EYS: variants seen among roughly 807,000 people sequenced by gnomAD.
EYS encodes the protein protein eyes shut homolog.
In EYS, 250 loss-of-function variants were observed where a neutral mutation model predicts 282.1. That is an observed-to-expected ratio of 0.89 (90% confidence interval 0.80 to 0.98). The LOEUF is 0.98. Among genes scored for constraint, EYS ranks in the 50% least tolerant of loss-of-function variants. The probability of loss-of-function intolerance (pLI) is 0.00; values close to 1 mark genes in which losing one functional copy is unlikely to be tolerated. For synonymous variants in EYS, 1,355 were observed against 1,282.9 expected (o/e 1.06, Z -1.20); for missense variants, 4,016 against 3,709.0 (o/e 1.08, Z -2.15).
intron 31 of EYS, among the ~76,000 whole-genome samples, chr6:64,192,165 T>C (rs1765133873): frequency 1.4e-5 from 2 of 146,778 alleles, no homozygotes; most frequent in African/African-American, 5.0e-5. Flanking sequence ...CGCCCACTTT[T>C]TGATGGGGTT....
intron 28 of EYS, among the ~76,000 whole-genome samples, chr6:64,399,906 C>T (rs112481392): frequency 0.022 from 3,330 of 151,948 alleles, 139 homozygotes; most frequent in African/African-American, 0.075. Context: ...CTGTTAAAAT[C>T]ACAATTCATG....
At chr6:65,220,850 G>C (rs1766445707) in intron 12 of EYS, among the ~76,000 whole-genome samples, 1 of 152,134 alleles carries the variant, frequency 6.6e-6, no homozygotes, top group African/African-American at 2.4e-5. Flanking sequence ...ACAGGTTGAG[G>C]TGCTTTGAGA....
At chr6:65,509,533 CAT>C (rs1354691859) in intron 2 of EYS, among the ~76,000 whole-genome samples, 2 of 152,152 alleles carry the variant, frequency 1.3e-5, no homozygotes, top group Non-Finnish European at 2.9e-5. Context: ...ACTGTTCAAA[CAT>C]ATTGCCTACT....
At chr6:64,618,876 T>TCA (rs1767356615) in intron 23 of EYS, among the ~76,000 whole-genome samples, 1 of 152,178 alleles carries the variant, frequency 6.6e-6, no homozygotes, top group Non-Finnish European at 1.5e-5. Flanking sequence ...CAATATGACT[T>TCA]TGTTGAGTCT....
chr6:64,744,783 A>G (rs1351678069), intron 22 of EYS, among the ~76,000 whole-genome samples: 2 of 152,150 alleles, frequency 1.3e-5, no homozygotes, highest in Non-Finnish European at 2.9e-5. Flanking sequence ...TTAAATTTAA[A>G]AAGTAGAGAA....
chr6:65,075,471 T>A (rs1197370719), intron 12 of EYS, among the ~76,000 whole-genome samples: 3 of 151,978 alleles, frequency 2.0e-5, no homozygotes, highest in African/African-American at 7.2e-5. Flanking sequence ...AATTTATGTG[T>A]TTTTCTATAT....
At chr6:65,616,797 A>C (rs554238367) in intron 2 of EYS, among the ~76,000 whole-genome samples, 125 of 152,204 alleles carry the variant, frequency 8.2e-4, no homozygotes, top group Non-Finnish European at 1.6e-3. Flanking sequence ...AAAACAAAAA[A>C]AAAAAGTAAG....
chr6:63,836,983 T>C (rs1771825335), intron 36 of EYS, among the ~76,000 whole-genome samples: 1 of 152,090 alleles, frequency 6.6e-6, no homozygotes, highest in Non-Finnish European at 1.5e-5. Flanking sequence ...TTTTCTCCTT[T>C]TGAAACAGTT....
chr6:63,787,935 A>C (rs180878485), intron 39 of EYS, among the ~76,000 whole-genome samples, 170 bp downstream of exon 39: 3 of 152,122 alleles, frequency 2.0e-5, no homozygotes, highest in Admixed American at 2.0e-4. Flanking sequence ...GCGAAACTCC[A>C]TCTAAAAAAA....
intron 39 of EYS, 64 bp from the exon 40 acceptor site, chr6:63,778,244 G>A (rs1770117126): frequency 6.9e-7 from 1 of 1,458,574 alleles, no homozygotes; most frequent in Non-Finnish European, 9.4e-7. Flanking sequence ...CAAGAAGAAG[G>A]TTATTTTTCA....
At chr6:64,228,392 G>T (rs578241340) in intron 31 of EYS, among the ~76,000 whole-genome samples, 2 of 152,172 alleles carry the variant, frequency 1.3e-5, no homozygotes, top group South Asian at 2.1e-4. Flanking sequence ...ATAATATTAT[G>T]ATAATCTAAA....
chr6:64,448,041 G>C (rs781235676), intron 26 of EYS, among the ~76,000 whole-genome samples: 22 of 152,232 alleles, frequency 1.4e-4, no homozygotes, highest in Non-Finnish European at 2.8e-4. Context: ...CCGTGCGTGA[G>C]CCTAAGCAGG....
chr6:65,563,778 T>C (rs763516567), intron 2 of EYS, among the ~76,000 whole-genome samples: 31 of 152,152 alleles, frequency 2.0e-4, no homozygotes, highest in Admixed American at 1.2e-3. Flanking sequence ...GACTGTCTTG[T>C]AATTGTCAGG....
At chr6:64,582,031 T>C (rs1766086783) in intron 26 of EYS, among the ~76,000 whole-genome samples, 1 of 152,184 alleles carries the variant, frequency 6.6e-6, no homozygotes, top group Admixed American at 6.5e-5. Context: ...TTTACCCATA[T>C]CGTTATATCA....
rs537597649 is a variant in EYS, at chr6:63,756,322, G to C, written c.8071+6139C>G. Among the ~76,000 whole-genome samples the C allele has an allele frequency of 3.3e-5, 5 of 152,240 alleles. No individual in the cohort carries two copies. In the South Asian group the frequency reaches 8.3e-4, roughly 25 times the overall value. On this transcript the variant is annotated intron_variant, in intron 41 of 42. Transcript: ENST00000503581. ...GTTCCATCAATACCTAGTTTATTAA[G>C]AGTTTTTAGCATGAAAGACTTGAAT... is the stretch of plus-strand genomic sequence containing the variant.
intron 13 of EYS, among the ~76,000 whole-genome samples, chr6:64,999,304 G>A (rs1771378875): frequency 1.3e-5 from 2 of 152,152 alleles, no homozygotes; most frequent in South Asian, 4.1e-4. Flanking sequence ...GTTAACCACG[G>A]GGCTATGTGA....
At chr6:64,309,732 C>T (rs988582479) in intron 29 of EYS, among the ~76,000 whole-genome samples, 5 of 151,842 alleles carry the variant, frequency 3.3e-5, no homozygotes, top group Admixed American at 6.6e-5. Flanking sequence ...TTTGGGAGGC[C>T]GAGGCACGTG....
intron 40 of EYS, among the ~76,000 whole-genome samples, chr6:63,774,217 G>T (rs1770003951): frequency 6.6e-6 from 1 of 151,180 alleles, no homozygotes; most frequent in Non-Finnish European, 1.5e-5. Context: ...CATCCAGGCT[G>T]GAGTGCAGTG....
At chr6:65,135,896 T>C (rs1776011465) in intron 12 of EYS, among the ~76,000 whole-genome samples, 1 of 152,170 alleles carries the variant, frequency 6.6e-6, no homozygotes, top group African/African-American at 2.4e-5. Flanking sequence ...TATTTGGAAA[T>C]TGTGGGCCAA....
Sources: gnomAD v4.1 joint callset for allele counts (sites outside exome capture counted in the v4.1 genomes callset) on GRCh38, gnomAD v4.1.1 for gene constraint, MANE v1.5 for transcripts, NCBI Gene and HGNC (gene_info 2026-07-23, HGNC 2026-07-21) for gene names.